ROBO2: variants seen among roughly 807,000 people sequenced by gnomAD.
ROBO2 encodes roundabout homolog 2.
Under a neutral mutation model 160.8 loss-of-function variants are expected in ROBO2, and 53 were observed. That is an observed-to-expected ratio of 0.33 (90% CI 0.26 to 0.41). ROBO2 has a LOEUF of 0.41. Ranked by LOEUF, ROBO2 falls within the 10% of genes least tolerant of loss-of-function variation. The probability of loss-of-function intolerance (pLI) is 1.00; values close to 1 mark genes in which losing one functional copy is unlikely to be tolerated. For missense variants in ROBO2, 1,577 were observed against 1,722.4 expected (o/e 0.92, Z 1.49); for synonymous variants, 664 against 611.7 (o/e 1.09, Z -1.26).
At chr3:77,014,650 A>C (rs1455345006) in intron 2 of ROBO2, among the ~76,000 whole-genome samples, 1 of 152,176 alleles carries the variant, frequency 6.6e-6, no homozygotes, top group African/African-American at 2.4e-5. Flanking sequence ...GTATTAGAAA[A>C]GACCTGGTTT....
chr3:76,824,144 A>G (rs773054947), intron 2 of ROBO2, among the ~76,000 whole-genome samples: 8 of 152,178 alleles, frequency 5.3e-5, no homozygotes, highest in Non-Finnish European at 1.2e-4. Context: ...GAGGAAGGGA[A>G]TGTACTGGAG....
chr3:77,225,656 G>T (rs2086402137), intron 2 of ROBO2, among the ~76,000 whole-genome samples: 1 of 151,912 alleles, frequency 6.6e-6, no homozygotes, highest in Admixed American at 6.6e-5. Context: ...AAGATTTAGA[G>T]GGAGGAAATA....
At position 76,436,617 on chromosome 3, in the gene ROBO2, G is replaced by A. The variant is rs1286827541; in HGVS notation, c.109+499015G>A. Among the ~76,000 whole-genome samples the A allele has an allele frequency of 2.0e-5, 3 of 151,798 alleles. No individual in the cohort carries two copies. In the East Asian group the frequency reaches 5.8e-4, roughly 29 times the overall value. On this transcript the variant is annotated intron_variant, in intron 2 of 26. Coordinates refer to the ROBO2 transcript ENST00000487694. Reference sequence around the variant, plus strand: ...TTCTACCCATTTCCTGAGACCTGTGGAAATAAACCTTGATGTGCTTAAAGT... The same window carrying A: ...TTCTACCCATTTCCTGAGACCTGTGAAAATAAACCTTGATGTGCTTAAAGT...
At chr3:76,189,847 CTA>C (rs1701927191) in intron 2 of ROBO2, among the ~76,000 whole-genome samples, 1 of 151,930 alleles carries the variant, frequency 6.6e-6, no homozygotes. Context: ...TGTTTTGTTT[CTA>C]TATGCAGATG....
chr3:77,559,779 C>T (rs1359628717), intron 9 of ROBO2, among the ~76,000 whole-genome samples: 1 of 151,954 alleles, frequency 6.6e-6, no homozygotes, highest in Admixed American at 6.6e-5. Flanking sequence ...CACACATGCA[C>T]ACATAAGTTT....
chr3:77,637,087 C>T (rs945307869), intron 24 of ROBO2, among the ~76,000 whole-genome samples: 6 of 152,190 alleles, frequency 3.9e-5, no homozygotes, highest in African/African-American at 1.4e-4. Flanking sequence ...AAAAACTGCA[C>T]ATTAGAACCA....
chr3:77,523,832 A>C (rs1364583651), intron 6 of ROBO2, among the ~76,000 whole-genome samples: 1 of 151,280 alleles, frequency 6.6e-6, no homozygotes, highest in Non-Finnish European at 1.5e-5. Flanking sequence ...GATTGGCTGC[A>C]TGTTTTCATC....
chr3:75,946,695 T>C (rs527601474), intron 2 of ROBO2, among the ~76,000 whole-genome samples: 37 of 152,200 alleles, frequency 2.4e-4, no homozygotes, highest in African/African-American at 8.7e-4. Flanking sequence ...ATATAAAAAT[T>C]CTGTAATTTA....
intron 2 of ROBO2, among the ~76,000 whole-genome samples, chr3:77,461,496 A>T (rs1187270853): frequency 1.3e-5 from 2 of 152,098 alleles, no homozygotes; most frequent in Non-Finnish European, 2.9e-5. Context: ...TGGTTGAATA[A>T]CATTATATTT....
rs10598282 is a variant in ROBO2, at chr3:76,562,439, A to ATCTC, written c.110-535552_110-535549dup. Among the ~76,000 whole-genome samples, 778 of 147,332 alleles carry ATCTC rather than the reference A, an allele frequency of 5.3e-3. 6 individuals carry two copies. The highest frequency in any genetic ancestry group is 7.7e-3 in the Non-Finnish European group (513 of 66,708). ...CTGATACATGCATCTTATAAGATTGATCTCTCTCTCTCTCTCTCTCTCTCT... is the reference window on the plus strand; with the variant it reads ...CTGATACATGCATCTTATAAGATTGATCTCTCTCTCTCTCTCTCTCTCTCTCTCT... On this transcript the variant is annotated intron_variant, in intron 2 of 26. Transcript: ENST00000487694.
intron 2 of ROBO2, among the ~76,000 whole-genome samples, chr3:75,973,861 G>A (rs910049343): frequency 6.6e-6 from 1 of 151,064 alleles, no homozygotes; most frequent in African/African-American, 2.4e-5. Flanking sequence ...AAATTTGAAG[G>A]CAGAAGATTA....
intron 2 of ROBO2, among the ~76,000 whole-genome samples, chr3:77,294,810 C>T (rs1000474596): frequency 1.3e-5 from 2 of 150,542 alleles, no homozygotes; most frequent in Non-Finnish European, 2.9e-5. Context: ...GAGGCTAGAT[C>T]ACCCCAGACA....
chr3:76,301,209 T>G (rs1185913935), intron 2 of ROBO2, among the ~76,000 whole-genome samples: 1 of 152,094 alleles, frequency 6.6e-6, no homozygotes, highest in African/African-American at 2.4e-5. Context: ...TTCAGATTAT[T>G]TAGCCTGAAG....
intron 1 of ROBO2, among the ~76,000 whole-genome samples, chr3:77,089,665 G>A (rs1346629259): frequency 1.3e-5 from 2 of 152,160 alleles, no homozygotes; most frequent in African/African-American, 4.8e-5. Context: ...TGGCAAATTA[G>A]GAAGTCTCCT....
intron 2 of ROBO2, among the ~76,000 whole-genome samples, chr3:76,486,420 A>G (rs1193342116): frequency 6.6e-6 from 1 of 152,204 alleles, no homozygotes; most frequent in Non-Finnish European, 1.5e-5. Context: ...ACTGACGCAC[A>G]TTGAGTCATG....
At chr3:77,345,316 A>G (rs747200433) in intron 2 of ROBO2, among the ~76,000 whole-genome samples, 6 of 152,012 alleles carry the variant, frequency 3.9e-5, no homozygotes, top group Non-Finnish European at 8.8e-5. Context: ...AATCCAAGAG[A>G]AGGTAGAAAC....
chr3:76,106,079 G>C (rs1179484749), intron 2 of ROBO2, among the ~76,000 whole-genome samples: 2 of 152,118 alleles, frequency 1.3e-5, no homozygotes, highest in African/African-American at 4.8e-5. Flanking sequence ...GATCTCTCGA[G>C]ATAATGTTAT....
At chr3:76,934,570 C>T (rs1416704638) in intron 2 of ROBO2, among the ~76,000 whole-genome samples, 2 of 151,984 alleles carry the variant, frequency 1.3e-5, no homozygotes, top group Non-Finnish European at 2.9e-5. Context: ...CATGATGAAA[C>T]CTCCTACCAA....
intron 2 of ROBO2, among the ~76,000 whole-genome samples, chr3:76,229,958 C>T (rs1704521373): frequency 1.3e-5 from 2 of 152,134 alleles, no homozygotes; most frequent in South Asian, 2.1e-4. Flanking sequence ...GTGCTGGCAT[C>T]TCAGGGGCTC....
Sources: allele counts gnomAD v4.1 joint callset (sites outside exome capture counted in the v4.1 genomes callset), GRCh38; gene constraint gnomAD v4.1.1; transcripts MANE v1.5; gene names NCBI Gene and HGNC (gene_info 2026-07-23, HGNC 2026-07-21).